CEP63: variants seen among roughly 807,000 people sequenced by gnomAD.
CEP63 encodes the protein centrosomal protein of 63 kDa.
Under a neutral mutation model 89.1 loss-of-function variants are expected in CEP63, and 84 were observed. That is an observed-to-expected ratio of 0.94 (90% CI 0.79 to 1.13). The LOEUF is 1.13. Among genes scored for constraint, CEP63 ranks in the 50% most tolerant of loss-of-function variants. CEP63 has a pLI of 0.00. For synonymous variants in CEP63, 267 were observed against 272.5 expected (o/e 0.98, Z 0.20); for missense variants, 838 against 813.3 (o/e 1.03, Z -0.37).
chr3:134,540,973 G>C (rs570264055), intron 6 of CEP63, among the ~76,000 whole-genome samples: 15 of 151,802 alleles, frequency 9.9e-5, no homozygotes, highest in African/African-American at 3.6e-4. Flanking sequence ...GTAGAGACAG[G>C]GTTTCACCAT....
the CEP63 span, among the ~76,000 whole-genome samples, chr3:134,618,553 G>A: frequency 1.6e-5 from 2 of 124,618 alleles, no homozygotes; most frequent in African/African-American, 6.4e-5. Context: ...CACATCTTGA[G>A]CCTGTTTTGA....
chr3:134,757,543 G>A, the CEP63 span, among the ~76,000 whole-genome samples: 1 of 152,148 alleles, frequency 6.6e-6, no homozygotes. Context: ...GGAGGTAGGA[G>A]TAGAAAAAGA....
the CEP63 span, chr3:134,650,830 C>T: frequency 1.3e-6 from 2 of 1,593,708 alleles, no homozygotes; most frequent in African/African-American, 1.4e-5. Flanking sequence ...GTTACCTCCT[C>T]CGCGCTGCAG....
At chr3:134,612,833 GA>G in the CEP63 span, 1 of 152,070 alleles carries the variant, frequency 6.6e-6, no homozygotes, top group Non-Finnish European at 1.5e-5. Flanking sequence ...CAGGGAGTGA[GA>G]GGGGGAGAGA....
At chr3:134,744,846 G>A in the CEP63 span, among the ~76,000 whole-genome samples, 1 of 152,126 alleles carries the variant, frequency 6.6e-6, no homozygotes, top group Admixed American at 6.5e-5. Flanking sequence ...CAAGTTCTGT[G>A]TGTATTTGTC....
At chr3:134,591,155 G>T (rs1366681427), downstream of CEP63, among the ~76,000 whole-genome samples, 1 of 152,178 alleles carries the variant, frequency 6.6e-6, no homozygotes, top group East Asian at 1.9e-4. Flanking sequence ...TTTTAACTGA[G>T]GATAAAACTG....
intron 10 of CEP63, among the ~76,000 whole-genome samples, chr3:134,580,525 G>A (rs1395943858): frequency 6.6e-6 from 1 of 151,636 alleles, no homozygotes. Flanking sequence ...CATGTAGAAA[G>A]TAGAAGAGAA....
chr3:134,514,388 AT>A (rs1161610827), intron 3 of CEP63, among the ~76,000 whole-genome samples: 1 of 152,178 alleles, frequency 6.6e-6, no homozygotes, highest in Non-Finnish European at 1.5e-5. Context: ...GAGAAAAAAA[AT>A]GAGAATGGGC....
At chr3:134,665,270 C>T in the CEP63 span, among the ~76,000 whole-genome samples, 1 of 152,232 alleles carries the variant, frequency 6.6e-6, no homozygotes, top group African/African-American at 2.4e-5. Context: ...GGACTCCTAC[C>T]TCCTGGTGCT....
chr3:134,574,640 C>T (rs2110299795), intron 11 of CEP63, among the ~76,000 whole-genome samples: 1 of 152,274 alleles, frequency 6.6e-6, no homozygotes, highest in South Asian at 2.1e-4. Flanking sequence ...TAGAGTCCCA[C>T]TCTGTCACCC....
the CEP63 span, among the ~76,000 whole-genome samples, chr3:134,756,543 G>A: frequency 6.6e-6 from 1 of 152,106 alleles, no homozygotes; most frequent in Non-Finnish European, 1.5e-5. Context: ...TTTTAGACAT[G>A]GGGTTTTGAC....
chr3:134,645,358 C>T, the CEP63 span, among the ~76,000 whole-genome samples: 1 of 152,212 alleles, frequency 6.6e-6, no homozygotes, highest in African/African-American at 2.4e-5. Flanking sequence ...ATGTGCCCTT[C>T]TGGATCCACC....
At chr3:134,625,126 CA>C in the CEP63 span, 1 of 1,597,122 alleles carries the variant, frequency 6.3e-7, no homozygotes, top group African/African-American at 1.3e-5. Context: ...AGATCGATCC[CA>C]GGGGTAGGCT....
the CEP63 span, among the ~76,000 whole-genome samples, chr3:134,726,475 C>A: frequency 8.2e-5 from 12 of 146,910 alleles, no homozygotes; most frequent in Middle Eastern, 3.6e-3. Context: ...CACACACACA[C>A]ACACACACAC....
chr3:134,636,741 C>A, the CEP63 span, among the ~76,000 whole-genome samples: 2 of 152,162 alleles, frequency 1.3e-5, no homozygotes, highest in African/African-American at 4.8e-5. Context: ...GTTTGTAATG[C>A]AAAAATAGAT....
At chr3:134,620,817 A>G in the CEP63 span, 2 of 1,613,494 alleles carry the variant, frequency 1.2e-6, no homozygotes, top group East Asian at 2.2e-5. Flanking sequence ...CTCCTGGAGC[A>G]GGTCACTCAC....
At chr3:134,537,045 G>A (rs1241363500) in intron 5 of CEP63, 110 bp from the exon 6 acceptor site, 10 of 766,450 alleles carry the variant, frequency 1.3e-5, no homozygotes, top group Non-Finnish European at 1.7e-5. Context: ...GTGGAGAAAG[G>A]TGCAAGCGTA....
chr3:134,746,110 C>T, the CEP63 span, among the ~76,000 whole-genome samples: 1 of 151,894 alleles, frequency 6.6e-6, no homozygotes, highest in Admixed American at 6.6e-5. Flanking sequence ...TGATGTTCCC[C>T]ACCCTGTGTC....
chr3:134,776,066 G>A, the CEP63 span, among the ~76,000 whole-genome samples: 1 of 152,256 alleles, frequency 6.6e-6, no homozygotes, highest in African/African-American at 2.4e-5. Context: ...TATCTGTGGT[G>A]TTGTAGGACT....
Sources: allele counts gnomAD v4.1 joint callset (sites outside exome capture counted in the v4.1 genomes callset), GRCh38; gene constraint gnomAD v4.1.1; transcripts MANE v1.5; gene names NCBI Gene and HGNC (gene_info 2026-07-23, HGNC 2026-07-21).